Variants in CREBRF observed in about 807,000 individuals in gnomAD.
CREBRF encodes the protein UPF0474 protein C5orf41.
In CREBRF, 5 loss-of-function variants were observed where a neutral mutation model predicts 66.1. The observed-to-expected ratio is 0.08, with a 90% CI of 0.04 to 0.16. CREBRF has a LOEUF of 0.16. CREBRF is among the 10% of genes least tolerant of loss of function. The pLI is 1.00. For missense variants in CREBRF, 531 were observed against 744.9 expected (o/e 0.71, Z 3.34); for synonymous variants, 229 against 264.4 (o/e 0.87, Z 1.30).
At position 173,060,649 on chromosome 5, in the gene CREBRF, T is replaced by A. The variant is rs866560537; in HGVS notation, c.-192+4170T>A. On this transcript the variant is annotated intron_variant, in intron 1 of 8. Coordinates refer to ENST00000296953, the MANE Select transcript of CREBRF (RefSeq NM_153607.3). ...CCATATTCAGTAGCTCATTTCGGGA[T>A]AGGTAAACTCTTAGACGAGACATAA... Among the ~76,000 whole-genome samples the A allele has an allele frequency of 7.2e-5, 11 of 152,172 alleles. No homozygotes were observed. The Middle Eastern group carries it at 0.017, about 235-fold the overall frequency.
chr5:173,117,516 T>TCCCC (rs771025678), intron 7 of CREBRF, among the ~76,000 whole-genome samples: 7,800 of 64,540 alleles, frequency 0.12, 427 homozygotes, highest in Non-Finnish European at 0.18. Flanking sequence ...TTGCCTTCCC[T>TCCCC]TCCCTCCCCT....
chr5:173,082,980 A>T (rs1758012102), intron 2 of CREBRF, among the ~76,000 whole-genome samples: 1 of 141,468 alleles, frequency 7.1e-6, no homozygotes, highest in African/African-American at 2.6e-5. Flanking sequence ...TAATCCCAGC[A>T]CTTTGGGAGG....
chr5:173,083,884 A>G (rs1220483367), intron 2 of CREBRF, among the ~76,000 whole-genome samples: 1 of 152,174 alleles, frequency 6.6e-6, no homozygotes, highest in African/African-American at 2.4e-5. Flanking sequence ...ATTTTTTTAA[A>G]TTACAAACTC....
Position 173,091,211 on chromosome 5 carries a change from C to T in CREBRF, c.1032C>T (p.Asn344=). ...ATTATTCTCTTTTTGTCTCCGACAA[C>T]TTGGGTGAACAGCCAACTAAATGCA... ...EHNYSLFVSD[N]LGEQPTKCSP... is the part of the protein sequence containing the mutation. Residue 344 remains asparagine, a synonymous_variant, in exon 4 of 9, where the codon AAC becomes AAT. Coordinates refer to ENST00000296953, the MANE Select transcript of CREBRF (RefSeq NM_153607.3). The T allele has an allele frequency of 6.2e-7, 1 of 1,614,172 alleles. No homozygotes were observed. Among genetic ancestry groups the T allele is most frequent in the Non-Finnish European group, 8.5e-7 (1 of 1,180,040 alleles).
In CREBRF at chr5:173,090,529, A is replaced by G; in HGVS notation, c.350A>G (p.Tyr117Cys). ...ATCTGGGGAACAAAAGAAGTGGATT[A>G]CTTGGGTCTTGATGACTTTTCTAGT... Reference protein sequence around the residue: ...CDIWGTKEVDYLGLDDFSSPY... With the variant: ...CDIWGTKEVDCLGLDDFSSPY... The change falls in exon 4 of 9, where the codon TAC (tyrosine) becomes TGC (cysteine). Residue 117 changes from tyrosine to cysteine, a missense_variant. Transcript: ENST00000296953. This position sits in a 1 kb window ranked among gnomAD's most constrained non-coding sequence, Gnocchi z 4.5. 6.2e-7 allele frequency: 1 copy of G among 1,613,842 alleles called. No individual in the cohort carries two copies. Among genetic ancestry groups the G allele is most frequent in the Non-Finnish European group, 8.5e-7 (1 of 1,179,704 alleles).
intron 4 of CREBRF, among the ~76,000 whole-genome samples, chr5:173,105,308 G>A (rs1758724236): frequency 6.6e-6 from 1 of 151,912 alleles, no homozygotes; most frequent in East Asian, 1.9e-4. Context: ...TATGCTTTGG[G>A]CTGGGATAGG....
At chr5:173,063,722 C>G (rs749275255) in intron 1 of CREBRF, among the ~76,000 whole-genome samples, 8 of 149,840 alleles carry the variant, frequency 5.3e-5, no homozygotes, top group African/African-American at 1.7e-4. Flanking sequence ...AATTTTTGTT[C>G]TTTTTGACTT....
intron 1 of CREBRF, among the ~76,000 whole-genome samples, chr5:173,075,601 A>G (rs1017013276): frequency 3.3e-5 from 5 of 152,146 alleles, no homozygotes; most frequent in African/African-American, 1.2e-4. Flanking sequence ...CTAGTTTGCT[A>G]AAGAGCTTGG....
Position 173,065,604 on chromosome 5 carries a change from CCT to C in CREBRF, c.-192+9134_-192+9135del, listed in dbSNP as rs762413658. Among the ~76,000 whole-genome samples the C allele has an allele frequency of 3.9e-4, 59 of 150,502 alleles. No individual in the cohort carries two copies. In the East Asian group the frequency reaches 0.011, roughly 28 times the overall value. On this transcript the variant is annotated intron_variant, in intron 1 of 8. Transcript: ENST00000296953. ...TTTATTTCACCTCCCACCCTCCCTCCCTCTCTCTCTTTATTCCCTTTGGGTTA... is the reference window on the plus strand; with the variant it reads ...TTTATTTCACCTCCCACCCTCCCTCCCTCTCTCTTTATTCCCTTTGGGTTA...
At chr5:173,077,164 C>G (rs1249295224) in intron 1 of CREBRF, among the ~76,000 whole-genome samples, 2 of 151,586 alleles carry the variant, frequency 1.3e-5, no homozygotes, top group African/African-American at 2.4e-5. Context: ...AGGCTAGTCT[C>G]GAACTCCTGA....
rs988538747 is a variant in CREBRF, at chr5:173,135,962, G to A, written c.*2217G>A. On this transcript the variant is annotated 3_prime_UTR_variant, in exon 9 of 9. Transcript: ENST00000296953. ...TGGTTTAATAGAATGTAAGTTCATC[G>A]TTTAAAGCTTTTCCTTTTTAGGTTG... 4 of 152,400 alleles carry A rather than the reference G, an allele frequency of 2.6e-5. No individual in the cohort carries two copies. Among genetic ancestry groups the A allele is most frequent in the African/African-American group, 9.7e-5 (4 of 41,420 alleles). 9.4% of individuals were successfully genotyped at this position (152,400 alleles called of 1,614,324 possible). A position where few individuals can be genotyped will look rare whatever the true frequency, so the allele number is the denominator to read the frequency against.
chr5:173,102,350 A>C (rs570075670), intron 4 of CREBRF, among the ~76,000 whole-genome samples: 1 of 152,074 alleles, frequency 6.6e-6, no homozygotes, highest in Non-Finnish European at 1.5e-5. Context: ...TCCAGTCTTT[A>C]TAGACTGGCT....
intron 7 of CREBRF, among the ~76,000 whole-genome samples, chr5:173,119,635 T>C (rs1184436625): frequency 6.6e-6 from 1 of 152,212 alleles, no homozygotes; most frequent in African/African-American, 2.4e-5. Flanking sequence ...TTTTTCTGCC[T>C]TATCAAAATG....
chr5:173,086,861 C>T (rs956776284), intron 3 of CREBRF, among the ~76,000 whole-genome samples: 1 of 152,062 alleles, frequency 6.6e-6, no homozygotes, highest in Non-Finnish European at 1.5e-5. Flanking sequence ...ACTGCAATCT[C>T]CACCTCCCAG....
intron 4 of CREBRF, among the ~76,000 whole-genome samples, chr5:173,106,549 C>A (rs1413324440): frequency 6.6e-6 from 1 of 152,136 alleles, no homozygotes; most frequent in Non-Finnish European, 1.5e-5. Context: ...CTTGCCTTAA[C>A]TGTTGCTCAG....
In CREBRF at chr5:173,091,883, A is replaced by T. The variant is rs897380613; in HGVS notation, c.1222+482A>T. 2.0e-5 allele frequency: 12 copies of T among 599,430 alleles called. No homozygotes were observed. The African/African-American group carries it at 2.2e-4, about 11-fold the overall frequency. The allele number at this position is 599,430 out of a possible 1,614,324, so 37.1% of individuals were successfully genotyped here. On this transcript the variant is annotated intron_variant, in intron 4 of 8. Transcript: ENST00000296953. ...GCGGATCACCTGAGGTCAGGAGTTA[A>T]AGACCAGCCCGGCCAACACAGCGAA...
intron 1 of CREBRF, among the ~76,000 whole-genome samples, chr5:173,073,923 C>T (rs1221828029): frequency 6.6e-6 from 1 of 151,882 alleles, no homozygotes; most frequent in Non-Finnish European, 1.5e-5. Context: ...GCCGAGATTG[C>T]GCCACTGCGC....
chr5:173,060,331 A>G (rs990182995), intron 1 of CREBRF: 2 of 151,502 alleles, frequency 1.3e-5, no homozygotes, highest in African/African-American at 2.4e-5. Flanking sequence ...CCTGGGTTCA[A>G]GCGATTATCC....
intron 1 of CREBRF, among the ~76,000 whole-genome samples, chr5:173,059,265 CTTT>C (rs60946984): frequency 4.6e-5 from 3 of 65,582 alleles, no homozygotes; most frequent in Non-Finnish European, 1.2e-4. Flanking sequence ...TCTTTTTTTT[CTTT>C]TTTTTTTTTT....
Sources: gnomAD v4.1 joint callset for allele counts (sites outside exome capture counted in the v4.1 genomes callset) on GRCh38, gnomAD v4.1.1 for gene constraint, Gnocchi (gnomAD v3.1) non-coding constraint, MANE v1.5 for transcripts, NCBI Gene and HGNC (gene_info 2026-07-23, HGNC 2026-07-21) for gene names.